Variants in AKAP7 observed in about 807,000 individuals in gnomAD.
AKAP7 encodes the protein A-kinase anchoring protein 7, also known as A kinase (PRKA) anchor protein 7.
A neutral mutation model predicts 39.5 loss-of-function variants in AKAP7; 39 were observed. That is an observed-to-expected ratio of 0.99 (90% CI 0.76 to 1.29). AKAP7 has a LOEUF of 1.29. Ranked by LOEUF, AKAP7 falls within the 50% of genes most tolerant of loss-of-function variation. The pLI is 0.00. For missense variants in AKAP7, 414 were observed against 407.7 expected, an observed-to-expected ratio of 1.02 and a Z score of -0.13; for synonymous variants, 140 against 139.1, an observed-to-expected ratio of 1.01 and a Z score of -0.05.
In AKAP7 at chr6:131,273,578, C is replaced by A. The variant is rs1213916082; in HGVS notation, c.851-7952C>A. Among the ~76,000 whole-genome samples, 10 of 152,186 alleles carry A rather than the reference C, an allele frequency of 6.6e-5. No individual in the cohort carries two copies. The South Asian group carries it at 2.1e-3, about 32-fold the overall frequency. ...TGCCACTTCACGTTTAACAGAAGAA[C>A]CTTACAGTTATTTGCATTTTCCCCC... On this transcript the variant is annotated intron_variant, in intron 7 of 7. Coordinates refer to ENST00000431975, the MANE Select transcript of AKAP7 (RefSeq NM_016377.4).
intron 6 of AKAP7, among the ~76,000 whole-genome samples, chr6:131,218,240 G>A (rs1017238098): frequency 2.0e-5 from 3 of 152,096 alleles, no homozygotes; most frequent in Admixed American, 1.3e-4. Context: ...ATGTCCAACA[G>A]TAAATAATTG....
chr6:131,216,561 T>C (rs866885060), intron 6 of AKAP7, among the ~76,000 whole-genome samples: 1 of 152,222 alleles, frequency 6.6e-6, no homozygotes, highest in African/African-American at 2.4e-5. Context: ...TATTTGAACA[T>C]CGCTGATAAT....
intron 7 of AKAP7, among the ~76,000 whole-genome samples, chr6:131,272,051 G>A (rs1170336969): frequency 1.3e-5 from 2 of 152,208 alleles, no homozygotes; most frequent in South Asian, 4.2e-4. Flanking sequence ...CCTTCCATAA[G>A]GCTTTGTTCA....
At chr6:131,251,202 A>G (rs1381621729) in intron 7 of AKAP7, among the ~76,000 whole-genome samples, 1 of 152,234 alleles carries the variant, frequency 6.6e-6, no homozygotes, top group East Asian at 1.9e-4. Context: ...GTTGAATTCC[A>G]CAGCGGCTTG....
In AKAP7 at chr6:131,145,422, T is replaced by C. The variant is rs1562861258; in HGVS notation, c.151+6T>C. On this transcript the variant is annotated splice_donor_region_variant and intron_variant, in intron 2 of 7. Transcript: ENST00000431975. ...TATTCAGGATGACTGTGGAAGTAAGTACTTTATTAAGTAAACGCGTATTTA... is the reference window on the plus strand; with the variant it reads ...TATTCAGGATGACTGTGGAAGTAAGCACTTTATTAAGTAAACGCGTATTTA... 1.4e-6 allele frequency: 2 copies of C among 1,458,592 alleles called. No homozygotes were observed. The highest frequency in any genetic ancestry group is 1.6e-5 in the South Asian group (1 of 61,130). The allele number at this position is 1,458,592 out of a possible 1,614,324, so 90.4% of individuals were successfully genotyped here.
chr6:131,255,572 G>A (rs1224807926), intron 7 of AKAP7, among the ~76,000 whole-genome samples: 1 of 152,138 alleles, frequency 6.6e-6, no homozygotes, highest in Non-Finnish European at 1.5e-5. Context: ...CTCCAGTTCT[G>A]CCACTGCCTG....
upstream of AKAP7, among the ~76,000 whole-genome samples, chr6:131,133,535 G>C (rs1041343029): frequency 4.1e-4 from 63 of 152,158 alleles, no homozygotes; most frequent in African/African-American, 1.5e-3. Flanking sequence ...GGTAGGTGTT[G>C]ATAAGACTCT....
Position 131,252,770 on chromosome 6 carries a change from T to C in AKAP7, c.851-28760T>C, listed in dbSNP as rs192139932. 5.3e-5 allele frequency among the ~76,000 whole-genome samples: 8 copies of C among 152,334 alleles called. No homozygotes were observed. The East Asian group carries it at 1.5e-3, about 29-fold the overall frequency. On this transcript the variant is annotated intron_variant, in intron 7 of 7. Coordinates refer to ENST00000431975, the MANE Select transcript of AKAP7 (RefSeq NM_016377.4). The stretch of plus-strand genomic sequence containing the variant: ...CATTTGGGAGGGTCCAGCTTTTTTC[T>C]GATCTTGCTGCTCGATTGTACCGTA...
At chr6:131,178,914 CT>C (rs1216933988) in intron 5 of AKAP7, among the ~76,000 whole-genome samples, 1 of 152,212 alleles carries the variant, frequency 6.6e-6, no homozygotes, top group Admixed American at 6.5e-5. Context: ...TCCCTGCCCA[CT>C]GTGCCCCACT....
At chr6:131,154,490 T>A (rs1584960769) in intron 2 of AKAP7, among the ~76,000 whole-genome samples, 2 of 132,612 alleles carry the variant, frequency 1.5e-5, no homozygotes, top group African/African-American at 3.0e-5. Flanking sequence ...TTTTTTTTTT[T>A]AATGTTGCAT....
chr6:131,136,657 A>C (rs1273367893), intron 1 of AKAP7, among the ~76,000 whole-genome samples: 1 of 152,140 alleles, frequency 6.6e-6, no homozygotes, highest in African/African-American at 2.4e-5. Context: ...CTTACTCATA[A>C]AGTTTAAGAT....
upstream of AKAP7, among the ~76,000 whole-genome samples, chr6:131,130,694 G>C (rs985962589): frequency 6.6e-6 from 1 of 152,254 alleles, no homozygotes; most frequent in Non-Finnish European, 1.5e-5. Flanking sequence ...CGCGAGGGCA[G>C]AGGACTTTCC....
intron 7 of AKAP7, among the ~76,000 whole-genome samples, chr6:131,246,075 G>A (rs972829298): frequency 6.8e-6 from 1 of 147,398 alleles, no homozygotes; most frequent in Non-Finnish European, 1.5e-5. Context: ...ACTTTTCCAT[G>A]AGGTTTCTCA....
chr6:131,168,385 T>A (rs1010057235), intron 4 of AKAP7, among the ~76,000 whole-genome samples: 1 of 151,014 alleles, frequency 6.6e-6, no homozygotes, highest in African/African-American at 2.4e-5. Context: ...GCACTCCAGC[T>A]TGGGTGACAG....
At chr6:131,165,024 GAA>G (rs1414689563) in intron 3 of AKAP7, 55 bp from the exon 4 acceptor site, 1 of 1,375,332 alleles carries the variant, frequency 7.3e-7, no homozygotes, top group Non-Finnish European at 9.8e-7. Context: ...TTACCATAAA[GAA>G]ATTTTGCTTA....
Position 131,280,573 on chromosome 6 carries a change from C to T in AKAP7, c.851-957C>T, listed in dbSNP as rs3822867. The stretch of plus-strand genomic sequence containing the variant: ...TTGCCTTCTAGAACCCATGGGTAAT[C>T]TTGCAAAACTGAGCTGATCTTAATG... On this transcript the variant is annotated intron_variant, in intron 7 of 7. Coordinates refer to ENST00000431975, the MANE Select transcript of AKAP7 (RefSeq NM_016377.4). Among the ~76,000 whole-genome samples the T allele has an allele frequency of 0.014, 2,186 of 152,330 alleles. 145 individuals carry two copies. In the East Asian group the frequency reaches 0.18, roughly 12 times the overall value.
intron 7 of AKAP7, among the ~76,000 whole-genome samples, chr6:131,272,985 C>CTAACTAAAGCAAAAAACCTTT (rs1197896541): frequency 2.0e-5 from 3 of 152,228 alleles, no homozygotes; most frequent in Middle Eastern, 3.4e-3. Context: ...TTAGTTCTAT[C>CTAACTAAAGCAAAAAACCTTT]AGTTTTTGCT....
chr6:131,164,444 G>A (rs1227878433), intron 3 of AKAP7: 1 of 455,822 alleles, frequency 2.2e-6, no homozygotes, highest in Admixed American at 2.3e-5. Context: ...CCAGGTCTGT[G>A]GGGATTTCTC....
chr6:131,143,897 A>G (rs1406074394), intron 1 of AKAP7, among the ~76,000 whole-genome samples: 4 of 128,730 alleles, frequency 3.1e-5, no homozygotes, highest in African/African-American at 1.1e-4. Flanking sequence ...TCCTAGGCAG[A>G]GGACCCTGCG....
Sources: gnomAD v4.1 joint callset for allele counts (sites outside exome capture counted in the v4.1 genomes callset) on GRCh38, gnomAD v4.1.1 for gene constraint, MANE v1.5 for transcripts, NCBI Gene and HGNC (gene_info 2026-07-23, HGNC 2026-07-21) for gene names.